RBFOX1: variants seen among roughly 807,000 people sequenced by gnomAD.
RBFOX1 encodes the protein RNA binding protein fox-1 homolog 1.
In RBFOX1, 8 loss-of-function variants were observed where a neutral mutation model predicts 57.7. The observed-to-expected ratio is 0.14, with a 90% CI of 0.08 to 0.25. RBFOX1 has a LOEUF of 0.25. Among genes scored for constraint, RBFOX1 ranks in the 10% least tolerant of loss-of-function variants. RBFOX1 has a pLI of 1.00. For missense variants in RBFOX1, 611 were observed against 548.5 expected (o/e 1.11, Z -1.14); for synonymous variants, 326 against 222.4 (o/e 1.47, Z -4.15).
At chr16:6,443,163 C>G (rs373198914) in intron 2 of RBFOX1, among the ~76,000 whole-genome samples, 1 of 152,274 alleles carries the variant, frequency 6.6e-6, no homozygotes. Flanking sequence ...GCTATTGTAT[C>G]CCTTCCATGT....
chr16:6,511,816 A>G (rs1289660798), intron 2 of RBFOX1, among the ~76,000 whole-genome samples: 1 of 152,236 alleles, frequency 6.6e-6, no homozygotes, highest in Non-Finnish European at 1.5e-5. Flanking sequence ...TTGTAGAAGT[A>G]TCTAGACTTG....
intron 1 of RBFOX1, among the ~76,000 whole-genome samples, chr16:5,367,786 G>T (rs985283214): frequency 3.3e-5 from 5 of 152,154 alleles, no homozygotes; most frequent in Non-Finnish European, 7.4e-5. Context: ...CTTGCCCATG[G>T]TCCCACATCC....
intron 4 of RBFOX1, among the ~76,000 whole-genome samples, chr16:7,327,529 G>T (rs1317388624): frequency 6.6e-6 from 1 of 152,172 alleles, no homozygotes; most frequent in Non-Finnish European, 1.5e-5. Context: ...TAAGAAATGT[G>T]ATGATAGGAT....
At chr16:7,213,689 C>T (rs1017885876) in intron 4 of RBFOX1, among the ~76,000 whole-genome samples, 1 of 152,080 alleles carries the variant, frequency 6.6e-6, no homozygotes, top group Non-Finnish European at 1.5e-5. Flanking sequence ...CTGATATTGT[C>T]CCATTTTATA....
intron 4 of RBFOX1, among the ~76,000 whole-genome samples, chr16:7,132,219 G>A (rs143404396): frequency 6.6e-6 from 1 of 151,936 alleles, no homozygotes; most frequent in Non-Finnish European, 1.5e-5. Context: ...GACTTCGACT[G>A]ATCTGCCTGT....
At chr16:6,875,663 T>C (rs1480781669) in intron 3 of RBFOX1, among the ~76,000 whole-genome samples, 1 of 152,174 alleles carries the variant, frequency 6.6e-6, no homozygotes, top group Non-Finnish European at 1.5e-5. Context: ...CTAGGAGAAG[T>C]TATATTTTCT....
chr16:6,569,478 G>A (rs1600157184), intron 2 of RBFOX1, among the ~76,000 whole-genome samples: 1 of 152,174 alleles, frequency 6.6e-6, no homozygotes, highest in African/African-American at 2.4e-5. Context: ...AGTAATTGTT[G>A]CTTCCCATAG....
chr16:7,357,750 C>G (rs1476938840), intron 4 of RBFOX1, among the ~76,000 whole-genome samples: 1 of 152,126 alleles, frequency 6.6e-6, no homozygotes, highest in Non-Finnish European at 1.5e-5. Flanking sequence ...CTTCCTGTGA[C>G]CAAGTGGTGC....
At chr16:5,582,731 C>T (rs1165657914) in intron 2 of RBFOX1, among the ~76,000 whole-genome samples, 1 of 151,934 alleles carries the variant, frequency 6.6e-6, no homozygotes, top group Non-Finnish European at 1.5e-5. Context: ...TAATCAAAGC[C>T]CATCATCTCA....
chr16:5,699,891 T>A (rs781018899), intron 3 of RBFOX1, among the ~76,000 whole-genome samples: 2 of 152,222 alleles, frequency 1.3e-5, no homozygotes, highest in Non-Finnish European at 2.9e-5. Context: ...TGGAGTGCAG[T>A]GGTGCGATCT....
At chr16:5,380,064 G>T (rs1567418307) in intron 1 of RBFOX1, among the ~76,000 whole-genome samples, 1 of 152,142 alleles carries the variant, frequency 6.6e-6, no homozygotes, top group South Asian at 2.1e-4. Context: ...GGTGACTAAG[G>T]ATGTGCTTCC....
At chr16:6,913,056 C>G (rs535270029) in intron 3 of RBFOX1, among the ~76,000 whole-genome samples, 1 of 152,080 alleles carries the variant, frequency 6.6e-6, no homozygotes, top group Non-Finnish European at 1.5e-5. Context: ...TGGAAAAGAA[C>G]TTGGAAAGGG....
chr16:7,024,838 G>A (rs745316501), intron 3 of RBFOX1, among the ~76,000 whole-genome samples: 11 of 152,162 alleles, frequency 7.2e-5, no homozygotes, highest in African/African-American at 2.4e-4. Flanking sequence ...GTTCTCACAC[G>A]GGGCTGGGTG....
chr16:5,263,585 G>T (rs1454913403), intron 1 of RBFOX1, among the ~76,000 whole-genome samples: 1 of 152,170 alleles, frequency 6.6e-6, no homozygotes, highest in Non-Finnish European at 1.5e-5. Context: ...AGTTCCAAGG[G>T]AATGGGTGAT....
At chr16:7,594,430 G>A (rs1214691411) in intron 7 of RBFOX1, among the ~76,000 whole-genome samples, 1 of 152,172 alleles carries the variant, frequency 6.6e-6, no homozygotes, top group East Asian at 1.9e-4. Context: ...AATTTATGTG[G>A]AAATTGTTCG....
rs142929097 is a variant in RBFOX1 at position 5,410,461 on chromosome 16, A to G, written c.220-56755A>G. Among the ~76,000 whole-genome samples the G allele has an allele frequency of 2.6e-3, 402 of 152,356 alleles. 1 individual carries two copies. The Middle Eastern group carries it at 0.027, about 10-fold the overall frequency. ...ACAAAGAAAAGTGAAACAGAATGGT[A>G]CAAATAAGACTATTTCAAGATTTCG... On this transcript the variant is annotated intron_variant, in intron 1 of 2. Coordinates refer to the RBFOX1 transcript ENST00000585867.
At chr16:6,272,122 A>T (rs966745386) in intron 1 of RBFOX1, among the ~76,000 whole-genome samples, 1 of 152,192 alleles carries the variant, frequency 6.6e-6, no homozygotes, top group Non-Finnish European at 1.5e-5. Context: ...TATTTCGGGG[A>T]TGTTAACACT....
rs541089108 is a variant in RBFOX1 at position 5,628,803 on chromosome 16, G to A, written c.318+29842G>A. On this transcript the variant is annotated intron_variant, in intron 3 of 19. Coordinates refer to the RBFOX1 transcript ENST00000641259. The stretch of plus-strand genomic sequence containing the variant: ...ATCAAATTTGAGCATCCTTATGGCT[G>A]AAGGGAGATCTCATGGCACCCTTGT... Among the ~76,000 whole-genome samples the A allele has an allele frequency of 3.3e-5, 5 of 152,322 alleles. No individual in the cohort carries two copies. In the East Asian group the frequency reaches 9.6e-4, roughly 29 times the overall value.
At chr16:7,310,644 T>C (rs1253963243) in intron 4 of RBFOX1, among the ~76,000 whole-genome samples, 1 of 152,222 alleles carries the variant, frequency 6.6e-6, no homozygotes, top group Non-Finnish European at 1.5e-5. Flanking sequence ...AGAGTTGATA[T>C]CTACTTAATA....
Sources: allele counts gnomAD v4.1 joint callset (sites outside exome capture counted in the v4.1 genomes callset), GRCh38; gene constraint gnomAD v4.1.1; transcripts MANE v1.5; gene names NCBI Gene and HGNC (gene_info 2026-07-23, HGNC 2026-07-21).